Variants in NIN observed in about 807,000 individuals in gnomAD.
The protein encoded by NIN is ninein.
In NIN, 137 loss-of-function variants were observed where a neutral mutation model predicts 257.6. The observed-to-expected ratio is 0.53, with a 90% confidence interval of 0.46 to 0.61. The LOEUF is 0.61. NIN is among the 20% of genes least tolerant of loss of function. NIN has a pLI of 0.00. For missense variants in NIN, 2,439 were observed against 2,501.2 expected (o/e 0.98, Z 0.53); for synonymous variants, 918 against 919.8 (o/e 1.00, Z 0.04).
intron 5 of NIN, among the ~76,000 whole-genome samples, chr14:50,782,005 TA>T (rs576226518): frequency 0.13 from 17,713 of 141,226 alleles, 1,842 homozygotes; most frequent in African/African-American, 0.3. Flanking sequence ...GCAACATAAT[TA>T]AAAAAAAAAA....
intron 3 of NIN, among the ~76,000 whole-genome samples, chr14:50,820,254 C>G (rs1381133368): frequency 6.6e-6 from 1 of 152,170 alleles, no homozygotes; most frequent in East Asian, 1.9e-4. Flanking sequence ...CTGGTAGTGT[C>G]AAGTCGTTAA....
intron 29 of NIN, chr14:50,727,215 GA>G: frequency 1.1e-6 from 1 of 931,622 alleles, no homozygotes; most frequent in Non-Finnish European, 1.3e-6. Context: ...GGAAAAACAG[GA>G]AAAACAAAGG....
At chr14:50,788,412 G>A (rs2043436643) in intron 5 of NIN, among the ~76,000 whole-genome samples, 1 of 152,162 alleles carries the variant, frequency 6.6e-6, no homozygotes. Flanking sequence ...CCTCTCACAT[G>A]CCTGTGTTTC....
intron 3 of NIN, among the ~76,000 whole-genome samples, chr14:50,819,995 T>C (rs1320492146): frequency 6.6e-6 from 1 of 152,230 alleles, no homozygotes; most frequent in Admixed American, 6.5e-5. Flanking sequence ...AGTATCTTAA[T>C]AGCATATGGC....
chr14:50,752,834 A>G, intron 20 of NIN, 101 bp from the exon 21 acceptor site: 1 of 624,532 alleles, frequency 1.6e-6, no homozygotes, highest in Non-Finnish European at 2.7e-6. Context: ...CCCTCTTTAT[A>G]TAAAGTTTAA....
chr14:50,720,813 C>A lies in NIN; in HGVS notation c.*2650G>T, dbSNP rs956220481. The A allele has an allele frequency of 5.0e-6, 1 of 200,468 alleles. No homozygotes were observed. The highest frequency in any genetic ancestry group is 1.0e-5 in the Non-Finnish European group (1 of 97,348). 12.4% of individuals were successfully genotyped at this position (200,468 alleles called of 1,614,324 possible). A position where few individuals can be genotyped will look rare whatever the true frequency, so the allele number is the denominator to read the frequency against. ...CCACATTTTCCTTTTCTTAGTGTAA[C>A]GTATTATCTCAAAGGCAAACTTGAT... is the stretch of plus-strand genomic sequence containing the variant. On this transcript the variant is annotated 3_prime_UTR_variant, in exon 31 of 31. Transcript: ENST00000530997.
At chr14:50,771,560 G>T in intron 9 of NIN, 92 bp from the exon 10 acceptor site, 1 of 1,361,982 alleles carries the variant, frequency 7.3e-7, no homozygotes, top group Non-Finnish European at 1.0e-6. Context: ...AACTCTGAGA[G>T]CTGACAATGA....
chr14:50,806,645 C>G, intron 4 of NIN, 92 bp downstream of exon 4: 1 of 672,418 alleles, frequency 1.5e-6, no homozygotes, highest in Non-Finnish European at 2.6e-6. Flanking sequence ...GCAGATGTCC[C>G]CAATCCTTCA....
At chr14:50,729,010 G>A (rs188215431) in intron 29 of NIN, among the ~76,000 whole-genome samples, 12 of 152,302 alleles carry the variant, frequency 7.9e-5, no homozygotes, top group African/African-American at 2.2e-4. Flanking sequence ...TGTTAGTAGC[G>A]CATATCCTAG....
intron 4 of NIN, among the ~76,000 whole-genome samples, chr14:50,803,770 G>A (rs1381032970): frequency 6.6e-6 from 1 of 152,178 alleles, no homozygotes; most frequent in African/African-American, 2.4e-5. Context: ...TCCATAAAGG[G>A]AGAGGGAGAG....
In NIN at chr14:50,760,234, A is replaced by AT. The variant is rs1566816777; in HGVS notation, c.2021dup (p.Asn674LysfsTer2). The stretch of plus-strand genomic sequence containing the variant: ...CTTGCCCCTGAAGTTCAGCAATTTC[A>AT]TTTTTAAGGTCACTTATTTGTTTTT... On this transcript the variant is annotated frameshift_variant, in exon 17 of 31. Transcript: ENST00000530997. LOFTEE classifies it high-confidence loss of function. The AT allele has an allele frequency of 6.2e-7, 1 of 1,613,148 alleles. No homozygotes were observed.
At chr14:50,820,231 C>A (rs746872211) in intron 3 of NIN, among the ~76,000 whole-genome samples, 2 of 152,166 alleles carry the variant, frequency 1.3e-5, no homozygotes, top group Non-Finnish European at 2.9e-5. Flanking sequence ...AAATAGCAAG[C>A]GTCAGAAGCA....
intron 9 of NIN, 127 bp from the exon 10 acceptor site, chr14:50,771,595 C>T (rs1024059456): frequency 4.1e-6 from 4 of 979,946 alleles, no homozygotes; most frequent in Non-Finnish European, 6.0e-6. Flanking sequence ...AATTCCATTG[C>T]TTTGGTGATT....
At chr14:50,752,927 A>T (rs1387464769) in intron 20 of NIN, among the ~76,000 whole-genome samples, 194 bp from the exon 21 acceptor site, 1 of 152,190 alleles carries the variant, frequency 6.6e-6, no homozygotes, top group East Asian at 1.9e-4. Context: ...AAGAAGTGAG[A>T]CACTCAGTCT....
At position 50,756,707 on chromosome 14, in the gene NIN, T is replaced by C. The variant is rs2042042164; in HGVS notation, c.4323A>G (p.Gln1441=). ...TGGCCTGATGCTGAAAATGTTTGTC[T>C]TGAAAGCCTAGGAGAGTAGTGTTTT... ...LEENTTLLGF[Q]DKHFQHQATI... The change falls in exon 18 of 31, where the codon CAA becomes CAG. Residue 1441 remains glutamine, a synonymous_variant. Coordinates refer to ENST00000530997, the MANE Select transcript of NIN (RefSeq NM_020921.4). The C allele has an allele frequency of 6.4e-7, 1 of 1,551,726 alleles. No individual in the cohort carries two copies. Among genetic ancestry groups the C allele is most frequent in the Non-Finnish European group, 8.7e-7 (1 of 1,147,002 alleles).
At chr14:50,800,923 C>T (rs756931566) in intron 4 of NIN, among the ~76,000 whole-genome samples, 2 of 151,916 alleles carry the variant, frequency 1.3e-5, no homozygotes, top group Non-Finnish European at 2.9e-5. Flanking sequence ...TCTGGCATTA[C>T]AAGCGTGCAC....
At chr14:50,781,773 T>C (rs538984174) in intron 5 of NIN, among the ~76,000 whole-genome samples, 1 of 152,336 alleles carries the variant, frequency 6.6e-6, no homozygotes, top group South Asian at 2.1e-4. Context: ...GTAAAGTGCT[T>C]AGAATTGTGC....
At chr14:50,747,905 C>T (rs1270178078) in intron 22 of NIN, 87 bp downstream of exon 22, 1 of 889,796 alleles carries the variant, frequency 1.1e-6, no homozygotes, top group Admixed American at 2.0e-5. Flanking sequence ...GTACAAAGGA[C>T]AACTGGTGGT....
chr14:50,738,084 TAAG>T, intron 27 of NIN, 53 bp downstream of exon 27: 5 of 1,565,572 alleles, frequency 3.2e-6, no homozygotes, highest in Non-Finnish European at 3.5e-6. Context: ...GAAACACACT[TAAG>T]AACGCATTAT....
Sources: allele counts gnomAD v4.1 joint callset (sites outside exome capture counted in the v4.1 genomes callset), GRCh38; gene constraint gnomAD v4.1.1; transcripts MANE v1.5; gene names NCBI Gene and HGNC (gene_info 2026-07-23, HGNC 2026-07-21).